Variants in CINP observed in about 807,000 individuals in gnomAD.
CINP encodes the protein cyclin-dependent kinase 2-interacting protein.
Under a neutral mutation model 20.5 loss-of-function variants are expected in CINP, and 11 were observed. The ratio of observed to expected loss-of-function variants is 0.54; its 90% CI spans 0.34 to 0.89. CINP has a LOEUF of 0.89. Among genes scored for constraint, CINP ranks in the 40% least tolerant of loss-of-function variants. The pLI, the probability that CINP is intolerant of heterozygous loss-of-function variation, is 0.02. For missense variants in CINP, 213 were observed against 251.0 expected, an observed-to-expected ratio of 0.85 and a Z score of 1.02; for synonymous variants, 108 against 102.1, an observed-to-expected ratio of 1.06 and a Z score of -0.35.
At chr14:102,352,617 T>C (rs191567896) in intron 3 of CINP, 1 of 445,168 alleles carries the variant, frequency 2.2e-6, no homozygotes, top group East Asian at 7.0e-5. Context: ...CTTTTGGTTT[T>C]GAACATAGAA....
At chr14:102,361,074 TTAAG>T (rs938323869) in intron 1 of CINP, among the ~76,000 whole-genome samples, 13 of 148,868 alleles carry the variant, frequency 8.7e-5, no homozygotes, top group African/African-American at 3.1e-4. Flanking sequence ...CAGATCATGA[TTAAG>T]TGTGTGTGGA....
In CINP at chr14:102,348,312, G is replaced by A. The variant is rs1028134120; in HGVS notation, c.*245C>T. ...CTCAGAAACTCATTGATTTTACTCT[G>A]AAGCACCCACGAATGACAGATTCCC... On this transcript the variant is annotated 3_prime_UTR_variant, in exon 5 of 5. Transcript: ENST00000216756. 6 of 538,214 alleles carry A rather than the reference G, an allele frequency of 1.1e-5. No homozygotes were observed. The highest frequency in any genetic ancestry group is 2.0e-5 in the Non-Finnish European group (6 of 300,388). The allele number at this position is 538,214 out of a possible 1,614,324, so 33.3% of individuals were successfully genotyped here.
At chr14:102,356,385 C>G (rs143887055) in intron 2 of CINP, among the ~76,000 whole-genome samples, 2 of 151,600 alleles carry the variant, frequency 1.3e-5, no homozygotes, top group Non-Finnish European at 2.9e-5. Context: ...CACCACTGCA[C>G]TCAGCCTGCA....
intron 2 of CINP, among the ~76,000 whole-genome samples, chr14:102,358,122 T>A (rs889931878): frequency 6.6e-6 from 1 of 152,226 alleles, no homozygotes; most frequent in Non-Finnish European, 1.5e-5. Flanking sequence ...ACTGAATTGC[T>A]GCAATCTCAT....
intron 3 of CINP, among the ~76,000 whole-genome samples, chr14:102,350,806 CTCTT>C (rs1360884225): frequency 1.2e-4 from 17 of 138,298 alleles, no homozygotes; most frequent in South Asian, 7.0e-4. Context: ...CTCTCTCTCT[CTCTT>C]TTTTTTTTTT....
At chr14:102,362,489 G>A (rs189009727) in intron 1 of CINP, 2 of 698,756 alleles carry the variant, frequency 2.9e-6, no homozygotes, top group East Asian at 2.7e-5. Context: ...GGGCAGTTCA[G>A]AGAGGAGTTT....
intron 1 of CINP, among the ~76,000 whole-genome samples, chr14:102,362,232 C>T (rs1306185637): frequency 2.0e-5 from 3 of 152,154 alleles, no homozygotes; most frequent in African/African-American, 4.8e-5. Flanking sequence ...CTTCAAGAAA[C>T]TCAAGGGCTG....
Position 102,350,047 on chromosome 14 carries a change from G to C in CINP, c.308C>G (p.Thr103Ser), listed in dbSNP as rs999490450. 1 of 1,610,248 alleles carries C rather than the reference G, an allele frequency of 6.2e-7. No individual in the cohort carries two copies. Among genetic ancestry groups the C allele is most frequent in the African/African-American group, 1.3e-5 (1 of 74,686 alleles). Residue 103 changes from threonine (T) to serine (S), a missense_variant and splice_region_variant, in exon 4 of 5, where the codon ACC (threonine) becomes AGC (serine). Transcript: ENST00000216756. ...CTTTTCCATTTTCACCTGTATTTTG[G>C]TCTGAAAGATATCCATTTGGAATAT... Reference protein sequence around the residue: ...EELQATLDGLTKIQVKMEKLS... With the variant: ...EELQATLDGLSKIQVKMEKLS...
chr14:102,355,919 G>T, intron 2 of CINP, 22 bp from the exon 3 acceptor site: 1 of 1,612,540 alleles, frequency 6.2e-7, no homozygotes, highest in Non-Finnish European at 8.5e-7. Context: ...AGAAAATAAT[G>T]TGTACAAAAT....
intron 3 of CINP, among the ~76,000 whole-genome samples, chr14:102,350,791 A>ATGT (rs1246590544): frequency 7.0e-6 from 1 of 142,746 alleles, no homozygotes; most frequent in Non-Finnish European, 1.5e-5. Flanking sequence ...CTCGTTTCTG[A>ATGT]TGTTCTCTCT....
chr14:102,353,259 T>G (rs1012593176), intron 3 of CINP, among the ~76,000 whole-genome samples: 1 of 152,028 alleles, frequency 6.6e-6, no homozygotes, highest in African/African-American at 2.4e-5. Flanking sequence ...TACCCCCAGG[T>G]GTGGGCTATG....
chr14:102,359,640 T>C (rs1597751349), intron 1 of CINP, 53 bp from the exon 2 acceptor site: 2 of 1,364,482 alleles, frequency 1.5e-6, no homozygotes, highest in South Asian at 2.8e-5. Flanking sequence ...ACAATCATAG[T>C]TGGAGGGCAA....
chr14:102,349,777 T>C (rs906550758), intron 4 of CINP, 142 bp downstream of exon 4: 18 of 974,330 alleles, frequency 1.8e-5, no homozygotes, highest in Non-Finnish European at 2.8e-5. Flanking sequence ...ATGTTTAAGA[T>C]GCCTCTGTCT....
chr14:102,355,796 T>C lies in CINP; in HGVS notation c.278A>G (p.Glu93Gly). Residue 93 changes from glutamate (E) to glycine (G), a missense_variant, in exon 3 of 5, where the codon GAG becomes GGG. Coordinates refer to ENST00000216756, the MANE Select transcript of CINP (RefSeq NM_032630.3). ...EYNEELEKLC[E>G]ELQATLDGLT... ...CCCATCCAAGGTGGCCTGCAGTTCC[T>C]CACACAGCTTCTCCAGTTCCTCGTT... The C allele has an allele frequency of 6.2e-7, 1 of 1,614,140 alleles. No individual in the cohort carries two copies. The highest frequency in any genetic ancestry group is 8.5e-7 in the Non-Finnish European group (1 of 1,179,990).
rs551003771 is a variant in CINP at position 102,348,894 on chromosome 14, G to A, written c.437-135C>T. The A allele has an allele frequency of 1.7e-5, 12 of 725,840 alleles. No homozygotes were observed. The South Asian group carries it at 1.9e-4, about 12-fold the overall frequency. The allele number at this position is 725,840 out of a possible 1,614,324, so 45.0% of individuals were successfully genotyped here. Reference sequence around the variant, plus strand: ...CACTGAGGGGAAGAAGGGCCCGATGGAGTTTACTACTCTAGCTGGTGCAGA... The same window carrying A: ...CACTGAGGGGAAGAAGGGCCCGATGAAGTTTACTACTCTAGCTGGTGCAGA... On this transcript the variant is annotated intron_variant, in intron 4 of 4. Transcript: ENST00000216756.
rs1388913588 is a variant in CINP at position 102,348,489 on chromosome 14, G to T, written c.*68C>A. ...GGGTCTGATCCAGGCCTGCGGCACT[G>T]GGTCCTAGGCAGACTGTCTGCCTGG... On this transcript the variant is annotated 3_prime_UTR_variant, in exon 5 of 5. Coordinates refer to ENST00000216756, the MANE Select transcript of CINP (RefSeq NM_032630.3). 4.2e-6 allele frequency: 6 copies of T among 1,422,556 alleles called. No individual in the cohort carries two copies. The highest frequency in any genetic ancestry group is 5.8e-6 in the Non-Finnish European group (6 of 1,042,204). 88.1% of individuals were successfully genotyped at this position (1,422,556 alleles called of 1,614,324 possible). A position where few individuals can be genotyped will look rare whatever the true frequency, so the allele number is the denominator to read the frequency against.
intron 3 of CINP, among the ~76,000 whole-genome samples, chr14:102,354,101 T>G (rs1886938764): frequency 6.6e-6 from 1 of 152,154 alleles, no homozygotes; most frequent in South Asian, 2.1e-4. Context: ...GGTGAAAATA[T>G]AAAGATCTTA....
chr14:102,357,519 G>A (rs937738091), intron 2 of CINP, among the ~76,000 whole-genome samples: 7 of 152,094 alleles, frequency 4.6e-5, no homozygotes, highest in African/African-American at 1.7e-4. Context: ...TGTGAATGAT[G>A]AGTGAAACAG....
chr14:102,357,029 G>A (rs1434490374), intron 2 of CINP, among the ~76,000 whole-genome samples: 3 of 152,056 alleles, frequency 2.0e-5, no homozygotes, highest in Admixed American at 2.0e-4. Flanking sequence ...GCCAATTTAA[G>A]AAACAAAAAA....
Sources: gnomAD v4.1 joint callset for allele counts (sites outside exome capture counted in the v4.1 genomes callset) on GRCh38, gnomAD v4.1.1 for gene constraint, MANE v1.5 for transcripts, NCBI Gene and HGNC (gene_info 2026-07-23, HGNC 2026-07-21) for gene names.